The following MPZ variants were observed in gnomAD, a reference collection of about 807,000 sequenced individuals.
MPZ encodes the protein myelin protein zero.
Under a neutral mutation model 27.9 loss-of-function variants are expected in MPZ, and 13 were observed. The observed-to-expected ratio is 0.47, with a 90% CI of 0.30 to 0.74. The LOEUF (loss-of-function observed/expected upper bound fraction) is 0.74, where lower values mean the gene tolerates loss of function less well. MPZ is among the 30% of genes least tolerant of loss of function. The pLI is 0.06. For missense variants in MPZ, 256 were observed against 317.5 expected (o/e 0.81, Z 1.47); for synonymous variants, 118 against 128.9 (o/e 0.92, Z 0.57).
chr1:161,308,468 G>A (rs1670313836), intron 1 of MPZ, among the ~76,000 whole-genome samples: 1 of 152,172 alleles, frequency 6.6e-6, no homozygotes, highest in African/African-American at 2.4e-5. Context: ...AGGGGCAACT[G>A]TAGACCTTTT....
rs1415733769 is a variant in MPZ, at chr1:161,306,923, T to C, written c.235-2A>G. ...TTGTCCCTTGGCATAGTGGAAGATC[T>C]ATGAGGAATGAGGGGAAGCATGTGA... On this transcript the variant is annotated splice_acceptor_variant, in intron 2 of 5. Coordinates refer to ENST00000533357, the MANE Select transcript of MPZ (RefSeq NM_000530.8). LOFTEE classifies it high-confidence loss of function. The C allele has an allele frequency of 1.2e-6, 2 of 1,606,180 alleles. No individual in the cohort carries two copies. The highest frequency in any genetic ancestry group is 1.4e-5 in the African/African-American group (1 of 72,902).
rs1670193464 is a variant in MPZ at position 161,304,985 on chromosome 1, C to T, written c.*891G>A. The T allele has an allele frequency of 1.3e-5, 2 of 152,510 alleles. No individual in the cohort carries two copies. Among genetic ancestry groups the T allele is most frequent in the Admixed American group, 1.3e-4 (2 of 15,210 alleles). 9.4% of individuals were successfully genotyped at this position (152,510 alleles called of 1,614,324 possible). ...ATCCATTCTCTCTCTCTGTCTCTCT[C>T]CTCAAGACCTGGAGTCCCAGAACAG... On this transcript the variant is annotated 3_prime_UTR_variant, in exon 6 of 6. Coordinates refer to ENST00000533357, the MANE Select transcript of MPZ (RefSeq NM_000530.8).
intron 1 of MPZ, among the ~76,000 whole-genome samples, chr1:161,309,522 AT>A (rs556430906): frequency 9.8e-6 from 1 of 102,500 alleles, no homozygotes; most frequent in East Asian, 2.3e-4. Flanking sequence ...CTAAATGCAT[AT>A]TTTTTTCTTT....
intron 1 of MPZ, among the ~76,000 whole-genome samples, chr1:161,309,093 G>A (rs1320559636): frequency 2.0e-5 from 3 of 152,212 alleles, no homozygotes; most frequent in Non-Finnish European, 2.9e-5. Context: ...CTGCCAGGGG[G>A]CAAGGAAAGG....
At chr1:161,306,241 C>G in intron 4 of MPZ, 73 bp from the exon 5 acceptor site, 1 of 1,611,962 alleles carries the variant, frequency 6.2e-7, no homozygotes, top group Non-Finnish European at 8.5e-7. Context: ...CTTCCTCTTC[C>G]CCTTGGCCCT....
chr1:161,309,735 G>C (rs1442407563), intron 1 of MPZ, 104 bp downstream of exon 1: 1 of 944,296 alleles, frequency 1.1e-6, no homozygotes, highest in African/African-American at 1.6e-5. Flanking sequence ...TCCTGCTCCT[G>C]CTTGTTCTTT....
In MPZ at chr1:161,306,753, T is replaced by C; in HGVS notation, c.403A>G (p.Ile135Val). Residue 135 changes from isoleucine to valine, a missense_variant, in exon 3 of 6, where the codon ATA (isoleucine) becomes GTA (valine). By Grantham distance (29) the Ile-to-Val change is conservative. Around this residue, in one of 2 missense-constraint regions of MPZ, gnomAD observed 155 missense variants for 223.9 expected, o/e 0.69. Coordinates refer to ENST00000533357, the MANE Select transcript of MPZ (RefSeq NM_000530.8). ...FTCDVKNPPD[I>V]VGKTSQVTLY... The stretch of plus-strand genomic sequence containing the variant: ...GTGACCTGAGAGGTCTTGCCCACTA[T>C]GTCTGGAGGGTTTTTGACGTCACAA... 6.2e-7 allele frequency: 1 copy of C among 1,614,098 alleles called. No individual in the cohort carries two copies. Among genetic ancestry groups the C allele is most frequent in the Non-Finnish European group, 8.5e-7 (1 of 1,180,020 alleles).
rs1282030423 is a variant in MPZ at position 161,304,745 on chromosome 1, G to A, written c.*1131C>T. 2.0e-5 allele frequency: 3 copies of A among 152,766 alleles called. No individual in the cohort carries two copies. The highest frequency in any genetic ancestry group is 4.4e-5 in the Non-Finnish European group (3 of 68,054). The allele number at this position is 152,766 out of a possible 1,614,324, so 9.5% of individuals were successfully genotyped here. On this transcript the variant is annotated 3_prime_UTR_variant, in exon 6 of 6. Transcript: ENST00000533357. The stretch of plus-strand genomic sequence containing the variant: ...AGACAAGGCAGCAGCTTCTGGAAAT[G>A]TCAGTGTTTATTAAACATTTAAGGA...
intron 1 of MPZ, 35 bp from the exon 2 acceptor site, chr1:161,307,459 T>C (rs765919276): frequency 6.2e-7 from 1 of 1,612,848 alleles, no homozygotes; most frequent in Admixed American, 1.7e-5. Flanking sequence ...GATGCACCTA[T>C]GGGCCCAGTA....
chr1:161,307,966 ATACT>A (rs1670303424), intron 1 of MPZ, among the ~76,000 whole-genome samples: 1 of 152,024 alleles, frequency 6.6e-6, no homozygotes, highest in Non-Finnish European at 1.5e-5. Context: ...AGATATACAC[ATACT>A]TACAACAAAT....
rs2102256922 is a variant in MPZ, at chr1:161,305,786, C to T, written c.*90G>A. 3.1e-6 allele frequency: 3 copies of T among 977,640 alleles called. No individual in the cohort carries two copies. Among genetic ancestry groups the T allele is most frequent in the Non-Finnish European group, 4.7e-6 (3 of 642,008 alleles). The allele number at this position is 977,640 out of a possible 1,614,324, so 60.6% of individuals were successfully genotyped here. ...GCCGGAGCTCCGGGCTCTGCTCATC[C>T]TTTCGTAGCTCCATCTCGATGACCA... On this transcript the variant is annotated 3_prime_UTR_variant, in exon 6 of 6. Transcript: ENST00000533357.
At chr1:161,306,228 C>A in intron 4 of MPZ, 60 bp from the exon 5 acceptor site, 1 of 1,612,056 alleles carries the variant, frequency 6.2e-7, no homozygotes, top group East Asian at 2.2e-5. Context: ...ACCGCGGACA[C>A]AGCTTCCTCT....
chr1:161,309,552 A>ATTTTTTTTTTTTTTTTTTTTTTTTTTTT, intron 1 of MPZ, among the ~76,000 whole-genome samples: 1 of 80,664 alleles, frequency 1.2e-5, no homozygotes, highest in Non-Finnish European at 2.4e-5. Flanking sequence ...ATATATATAT[A>ATTTTTTTTTTTTTTTTTTTTTTTTTTTT]TTTTTTTTTT....
Position 161,304,928 on chromosome 1 carries a change from T to C in MPZ, c.*948A>G, listed in dbSNP as rs1338403701. 1 of 143,730 alleles carries C rather than the reference T, an allele frequency of 7.0e-6. No individual in the cohort carries two copies. Among genetic ancestry groups the C allele is most frequent in the East Asian group, 2.1e-4 (1 of 4,832 alleles). The allele number at this position is 143,730 out of a possible 1,614,324, so 8.9% of individuals were successfully genotyped here. A position where few individuals can be genotyped will look rare whatever the true frequency, so the allele number is the denominator to read the frequency against. ...TTAAAAACCATTTCTTAAGGCTCATTTGCCCCCTCCCCCACTCCCTGACCT... is the reference window on the plus strand; with the variant it reads ...TTAAAAACCATTTCTTAAGGCTCATCTGCCCCCTCCCCCACTCCCTGACCT... On this transcript the variant is annotated 3_prime_UTR_variant, in exon 6 of 6. Coordinates refer to ENST00000533357, the MANE Select transcript of MPZ (RefSeq NM_000530.8).
chr1:161,309,696 A>G, intron 1 of MPZ, 143 bp downstream of exon 1: 1 of 759,892 alleles, frequency 1.3e-6, no homozygotes, highest in East Asian at 2.7e-5. Context: ...CCAGCCGCAT[A>G]TTTTTTCTTT....
intron 4 of MPZ, 44 bp downstream of exon 4, chr1:161,306,285 G>C (rs756371300): frequency 1.2e-6 from 2 of 1,613,702 alleles, no homozygotes; most frequent in Non-Finnish European, 1.7e-6. Flanking sequence ...CCCAGATGGG[G>C]GATAGTGGGG....
At position 161,305,707 on chromosome 1, in the gene MPZ, T is replaced by G. The variant is rs1034842950; in HGVS notation, c.*169A>C. 4.8e-5 allele frequency: 29 copies of G among 602,530 alleles called. No homozygotes were observed. Among genetic ancestry groups the G allele is most frequent in the Non-Finnish European group, 7.4e-5 (25 of 338,886 alleles). 37.3% of individuals were successfully genotyped at this position (602,530 alleles called of 1,614,324 possible). A position where few individuals can be genotyped will look rare whatever the true frequency, so the allele number is the denominator to read the frequency against. On this transcript the variant is annotated 3_prime_UTR_variant, in exon 6 of 6. Coordinates refer to ENST00000533357, the MANE Select transcript of MPZ (RefSeq NM_000530.8). ...GATCACTTGTCCGAGTTCAGGCCCA[T>G]CATGTTCTTGAGGGCGTTTTTGAGG... is the stretch of plus-strand genomic sequence containing the variant.
In MPZ at chr1:161,305,656, G is replaced by A. The variant is rs1316979890; in HGVS notation, c.*220C>T. The A allele has an allele frequency of 1.7e-6, 1 of 582,500 alleles. No individual in the cohort carries two copies. The highest frequency in any genetic ancestry group is 3.0e-6 in the Non-Finnish European group (1 of 328,774). 36.1% of individuals were successfully genotyped at this position (582,500 alleles called of 1,614,324 possible). ...AGAGGAGCCTAGGTCCCCCTGCTCT[G>A]GCAGGGCCTGGGGTGGGGGGGTGGC... On this transcript the variant is annotated 3_prime_UTR_variant, in exon 6 of 6. Transcript: ENST00000533357.
At chr1:161,304,355 A>G (rs1330524423), downstream of MPZ, among the ~76,000 whole-genome samples, 1 of 152,254 alleles carries the variant, frequency 6.6e-6, no homozygotes, top group Non-Finnish European at 1.5e-5. Flanking sequence ...GGAATTAAGC[A>G]GGGCAGATAT....
Sources: gnomAD v4.1 joint callset for allele counts (sites outside exome capture counted in the v4.1 genomes callset) on GRCh38, gnomAD v4.1.1 for gene constraint, gnomAD v4.1.1 regional missense constraint, MANE v1.5 for transcripts, NCBI Gene and HGNC (gene_info 2026-07-23, HGNC 2026-07-21) for gene names.